MAGI2: variants seen among roughly 807,000 people sequenced by gnomAD.
MAGI2 encodes membrane-associated guanylate kinase, WW and PDZ domain-containing protein 2.
Under a neutral mutation model 133.3 loss-of-function variants are expected in MAGI2, and 35 were observed. That is an observed-to-expected ratio of 0.26 (90% CI 0.20 to 0.35). The LOEUF is 0.35. Among genes scored for constraint, MAGI2 ranks in the 10% least tolerant of loss-of-function variants. The probability of loss-of-function intolerance (pLI) is 1.00; values close to 1 mark genes in which losing one functional copy is unlikely to be tolerated. For missense variants in MAGI2, 1,636 were observed against 1,863.4 expected (o/e 0.88, Z 2.25); for synonymous variants, 729 against 710.6 (o/e 1.03, Z -0.41).
chr7:78,658,186 A>G (rs544441056), intron 2 of MAGI2, among the ~76,000 whole-genome samples: 1 of 152,312 alleles, frequency 6.6e-6, no homozygotes, highest in South Asian at 2.1e-4. Context: ...AAATATGTCC[A>G]ATAAATTTTT....
chr7:78,922,630 G>C (rs1454184031), intron 2 of MAGI2, among the ~76,000 whole-genome samples: 4 of 152,066 alleles, frequency 2.6e-5, no homozygotes, highest in Non-Finnish European at 4.4e-5. Flanking sequence ...CTTTGCTATT[G>C]TGAATAATGC....
intron 1 of MAGI2, among the ~76,000 whole-genome samples, chr7:79,218,882 C>T (rs1484179491): frequency 6.6e-6 from 1 of 152,032 alleles, no homozygotes; most frequent in African/African-American, 2.4e-5. Context: ...GCATTGAAAA[C>T]ATGTAATGTG....
intron 3 of MAGI2, among the ~76,000 whole-genome samples, chr7:78,561,839 A>T (rs112837300): frequency 6.6e-6 from 1 of 152,236 alleles, no homozygotes; most frequent in Admixed American, 6.5e-5. Flanking sequence ...AAGTAGCCTT[A>T]GAAAAGTAAG....
chr7:79,130,732 A>C (rs1820859067), intron 1 of MAGI2, among the ~76,000 whole-genome samples: 1 of 152,234 alleles, frequency 6.6e-6, no homozygotes, highest in African/African-American at 2.4e-5. Flanking sequence ...ATTTTCACTC[A>C]TGACCTTCAT....
intron 1 of MAGI2, among the ~76,000 whole-genome samples, chr7:79,378,341 C>T (rs1191349071): frequency 6.6e-6 from 1 of 151,712 alleles, no homozygotes; most frequent in Non-Finnish European, 1.5e-5. Flanking sequence ...TCATTTAATC[C>T]TTGTAAAACT....
chr7:78,054,192 C>T, intron 21 of MAGI2, among the ~76,000 whole-genome samples: 1 of 151,684 alleles, frequency 6.6e-6, no homozygotes, highest in African/African-American at 2.4e-5. Flanking sequence ...GTGGTGTGAT[C>T]TCAGCTCACT....
At chr7:78,292,364 T>A (rs1463984283) in intron 9 of MAGI2, among the ~76,000 whole-genome samples, 3 of 152,058 alleles carry the variant, frequency 2.0e-5, no homozygotes, top group Non-Finnish European at 2.9e-5. Flanking sequence ...TACCTAGGAA[T>A]CCAACTTACA....
chr7:78,808,235 G>A (rs751899729), intron 2 of MAGI2, among the ~76,000 whole-genome samples: 3 of 152,026 alleles, frequency 2.0e-5, no homozygotes, highest in Non-Finnish European at 1.5e-5. Context: ...GCCTTCAGCT[G>A]TATTTTTATT....
At chr7:79,178,968 T>G (rs1458317663) in intron 1 of MAGI2, among the ~76,000 whole-genome samples, 1 of 151,902 alleles carries the variant, frequency 6.6e-6, no homozygotes, top group Non-Finnish European at 1.5e-5. Flanking sequence ...AAATTGAAGA[T>G]TTAGTAAATT....
At chr7:78,208,473 G>T (rs942192306) in intron 10 of MAGI2, among the ~76,000 whole-genome samples, 1 of 152,156 alleles carries the variant, frequency 6.6e-6, no homozygotes, top group Non-Finnish European at 1.5e-5. Context: ...TGCTAGGAAG[G>T]CTAAAACTCA....
intron 2 of MAGI2, among the ~76,000 whole-genome samples, chr7:78,779,387 G>C (rs1340387523): frequency 6.6e-6 from 1 of 152,174 alleles, no homozygotes; most frequent in Non-Finnish European, 1.5e-5. Flanking sequence ...TTTTAGTCAA[G>C]TGAATTACTT....
chr7:78,844,086 T>C (rs1460236133), intron 2 of MAGI2, among the ~76,000 whole-genome samples: 1 of 149,854 alleles, frequency 6.7e-6, no homozygotes, highest in East Asian at 1.9e-4. Context: ...AATTTCAGAA[T>C]TTTTTTTTCT....
intron 2 of MAGI2, among the ~76,000 whole-genome samples, chr7:79,004,949 G>A (rs1807288617): frequency 6.6e-6 from 1 of 152,136 alleles, no homozygotes; most frequent in South Asian, 2.1e-4. Flanking sequence ...GGGCATGGTG[G>A]CACATGCCTG....
chr7:78,031,322 T>C lies in MAGI2; in HGVS notation c.3707-11346A>G, dbSNP rs141425690. Among the ~76,000 whole-genome samples, 956 of 152,316 alleles carry C rather than the reference T, an allele frequency of 6.3e-3. 6 individuals are homozygous for C. Among genetic ancestry groups the C allele is most frequent in the Non-Finnish European group, 7.2e-3 (488 of 68,038 alleles). Reference sequence around the variant, plus strand: ...CTATGTATTTTTGAAACTCATAGAATTTACACTAAAAAGGGTAAATTTTAA... The same window carrying C: ...CTATGTATTTTTGAAACTCATAGAACTTACACTAAAAAGGGTAAATTTTAA... On this transcript the variant is annotated intron_variant, in intron 21 of 21. Transcript: ENST00000354212.
At chr7:78,608,507 A>G (rs1452640816) in intron 3 of MAGI2, among the ~76,000 whole-genome samples, 1 of 151,852 alleles carries the variant, frequency 6.6e-6, no homozygotes, top group Non-Finnish European at 1.5e-5. Flanking sequence ...AGAAGCATAT[A>G]TAATGTGTGT....
intron 3 of MAGI2, among the ~76,000 whole-genome samples, chr7:78,584,504 A>G (rs1015854390): frequency 1.3e-5 from 2 of 152,022 alleles, no homozygotes; most frequent in Non-Finnish European, 2.9e-5. Flanking sequence ...AGAAAGGAAA[A>G]TACTACTTTC....
intron 3 of MAGI2, among the ~76,000 whole-genome samples, chr7:78,543,851 T>C (rs1798606559): frequency 6.6e-6 from 1 of 152,254 alleles, no homozygotes; most frequent in Non-Finnish European, 1.5e-5. Context: ...TAGTCATATC[T>C]TTATGTAGAA....
chr7:78,090,739 G>T (rs529718363), intron 20 of MAGI2, among the ~76,000 whole-genome samples: 3 of 152,214 alleles, frequency 2.0e-5, no homozygotes, highest in African/African-American at 7.2e-5. Context: ...TCTTCTACTT[G>T]CAAGGAGAGG....
At chr7:78,966,700 T>C (rs1803339899) in intron 2 of MAGI2, among the ~76,000 whole-genome samples, 1 of 152,126 alleles carries the variant, frequency 6.6e-6, no homozygotes, top group South Asian at 2.1e-4. Flanking sequence ...AGAAGTGGGA[T>C]TGTTGGCACA....
Sources: allele counts gnomAD v4.1 joint callset (sites outside exome capture counted in the v4.1 genomes callset), GRCh38; gene constraint gnomAD v4.1.1; transcripts MANE v1.5; gene names NCBI Gene and HGNC (gene_info 2026-07-23, HGNC 2026-07-21).